Variants in ACOX3 observed in about 807,000 individuals in gnomAD.
The protein encoded by ACOX3 is peroxisomal acyl-coenzyme A oxidase 3.
Under a neutral mutation model 81.5 loss-of-function variants are expected in ACOX3, and 73 were observed. The observed-to-expected ratio is 0.90, with a 90% CI of 0.74 to 1.09. The LOEUF (loss-of-function observed/expected upper bound fraction) is 1.09, where lower values mean the gene tolerates loss of function less well. Ranked by LOEUF, ACOX3 falls within the 50% of genes least tolerant of loss-of-function variation. The probability of loss-of-function intolerance (pLI) is 0.00; values close to 1 mark genes in which losing one functional copy is unlikely to be tolerated. For missense variants in ACOX3, 947 were observed against 928.0 expected, an observed-to-expected ratio of 1.02 and a Z score of -0.27; for synonymous variants, 387 against 375.1, an observed-to-expected ratio of 1.03 and a Z score of -0.37.
chr4:8,398,605 G>C (rs922630499), intron 8 of ACOX3, among the ~76,000 whole-genome samples: 1 of 152,082 alleles, frequency 6.6e-6, no homozygotes, highest in African/African-American at 2.4e-5. Context: ...CTCCCACCAA[G>C]TAACGGACCA....
rs745684291 is a variant in ACOX3, at chr4:8,389,607, C to T, written c.1423+5G>A. 1 of 1,613,762 alleles carries T rather than the reference C, an allele frequency of 6.2e-7. No individual in the cohort carries two copies. The highest frequency in any genetic ancestry group is 1.7e-5 in the Admixed American group (1 of 60,032). On this transcript the variant is annotated splice_donor_5th_base_variant and intron_variant, in intron 12 of 17. Coordinates refer to ENST00000356406, the MANE Select transcript of ACOX3 (RefSeq NM_003501.3). This position sits in a 1 kb window ranked among gnomAD's most constrained non-coding sequence, Gnocchi z 5.3. ...CGCCCCCACCAGTGTGCAGCAGAGC[C>T]TCACCGTGGACCTGGTGTGCCAGGA...
At position 8,394,801 on chromosome 4, in the gene ACOX3, C is replaced by G; in HGVS notation, c.1057-59G>C. 6.4e-7 allele frequency: 1 copy of G among 1,573,554 alleles called. No individual in the cohort carries two copies. The highest frequency in any genetic ancestry group is 1.1e-5 in the South Asian group (1 of 87,000). ...GTGGTTCCCATGAAGGGCAGCCCAT[C>G]CCAGGGACCATGAAAGCCAGTGCAG... On this transcript the variant is annotated intron_variant, in intron 9 of 17. Transcript: ENST00000356406. This position sits in a 1 kb window ranked among gnomAD's most constrained non-coding sequence, Gnocchi z 5.9.
At position 8,373,541 on chromosome 4, in the gene ACOX3, C is replaced by T. The variant is rs769508035; in HGVS notation, c.1896+20G>A. 32 of 1,612,940 alleles carry T rather than the reference C, an allele frequency of 2.0e-5. No individual in the cohort carries two copies. Among genetic ancestry groups the T allele is most frequent in the Non-Finnish European group, 2.3e-5 (27 of 1,179,764 alleles). On this transcript the variant is annotated intron_variant, in intron 16 of 17. Coordinates refer to ENST00000356406, the MANE Select transcript of ACOX3 (RefSeq NM_003501.3). ...TTGTGTAACATGGATGTAGAGAACG[C>T]GACAGCACCCACGGCTCACCTGGGA... is the stretch of plus-strand genomic sequence containing the variant.
In ACOX3 at chr4:8,382,507, G is replaced by A. The variant is rs1054272550; in HGVS notation, c.1538-900C>T. On this transcript the variant is annotated intron_variant, in intron 13 of 17. Coordinates refer to ENST00000356406, the MANE Select transcript of ACOX3 (RefSeq NM_003501.3). This position sits in a 1 kb window ranked among gnomAD's most constrained non-coding sequence, Gnocchi z 4.1. ...CACGCTCACACCCACCCCCTGCCCA[G>A]GCACAGAGGGCCTGGCGCCCAGACA... 2.6e-5 allele frequency among the ~76,000 whole-genome samples: 4 copies of A among 152,220 alleles called. No individual in the cohort carries two copies. The highest frequency in any genetic ancestry group is 7.2e-5 in the African/African-American group (3 of 41,468).
intron 11 of ACOX3, among the ~76,000 whole-genome samples, chr4:8,391,075 G>A (rs1310015517): frequency 6.7e-6 from 1 of 149,818 alleles, no homozygotes; most frequent in Non-Finnish European, 1.5e-5. Context: ...ATATGTATAT[G>A]ATTAATCTTG....
intron 14 of ACOX3, among the ~76,000 whole-genome samples, chr4:8,380,482 C>G (rs756986945): frequency 6.6e-6 from 1 of 152,222 alleles, no homozygotes; most frequent in African/African-American, 2.4e-5. Context: ...AGCCACTGCA[C>G]CTGGCCCAAT....
In ACOX3 at chr4:8,416,112, G is replaced by A. The variant is rs1722302427; in HGVS notation, c.145-113C>T. 2 of 1,112,444 alleles carry A rather than the reference G, an allele frequency of 1.8e-6. No individual in the cohort carries two copies. Among genetic ancestry groups the A allele is most frequent in the Non-Finnish European group, 2.6e-6 (2 of 762,594 alleles). The allele number at this position is 1,112,444 out of a possible 1,614,324, so 68.9% of individuals were successfully genotyped here. A position where few individuals can be genotyped will look rare whatever the true frequency, so the allele number is the denominator to read the frequency against. ...GCTTCATGGGACACAGTCTGACCCG[G>A]AGACACCCAGACAGAGATATGACTA... is the stretch of plus-strand genomic sequence containing the variant. On this transcript the variant is annotated intron_variant, in intron 2 of 17. Transcript: ENST00000356406. The surrounding 1 kb of genome is among the most constrained non-coding windows in gnomAD (Gnocchi z 4.2).
intron 1 of ACOX3, among the ~76,000 whole-genome samples, chr4:8,420,057 T>A (rs559385578): frequency 2.0e-4 from 31 of 152,340 alleles, no homozygotes; most frequent in African/African-American, 7.5e-4. Flanking sequence ...AGACCTCAAC[T>A]GTGCCCACCA....
the ACOX3 span, chr4:8,357,330 C>T: frequency 2.2e-6 from 1 of 445,856 alleles, no homozygotes; most frequent in East Asian, 7.0e-5. Flanking sequence ...TGTCAATGTT[C>T]AGCTTCAGTG....
At chr4:8,410,622 T>C (rs58254383) in intron 5 of ACOX3, among the ~76,000 whole-genome samples, 3,730 of 152,224 alleles carry the variant, frequency 0.025, 150 homozygotes, top group African/African-American at 0.085. Context: ...CATTATCATA[T>C]AGTCTTCAGT....
At chr4:8,404,640 A>G (rs1320799962) in intron 7 of ACOX3, among the ~76,000 whole-genome samples, 1 of 152,188 alleles carries the variant, frequency 6.6e-6, no homozygotes, top group African/African-American at 2.4e-5. Context: ...AGACAGGCAG[A>G]AGGAGGTTTC....
In ACOX3 at chr4:8,382,141, A is replaced by C. The variant is rs965925222; in HGVS notation, c.1538-534T>G. Among the ~76,000 whole-genome samples, 2 of 151,852 alleles carry C rather than the reference A, an allele frequency of 1.3e-5. No individual in the cohort carries two copies. Among genetic ancestry groups the C allele is most frequent in the African/African-American group, 4.8e-5 (2 of 41,330 alleles). On this transcript the variant is annotated intron_variant, in intron 13 of 17. Coordinates refer to ENST00000356406, the MANE Select transcript of ACOX3 (RefSeq NM_003501.3). This position sits in a 1 kb window ranked among gnomAD's most constrained non-coding sequence, Gnocchi z 4.1. ...GGACTGACATGGTGGGGGAGGGGGGAACCTAAGGCCTCACCCCCTGCGTGG... is the reference window on the plus strand; with the variant it reads ...GGACTGACATGGTGGGGGAGGGGGGCACCTAAGGCCTCACCCCCTGCGTGG...
At chr4:8,422,685 A>T (rs1236434012) in intron 1 of ACOX3, among the ~76,000 whole-genome samples, 2 of 152,246 alleles carry the variant, frequency 1.3e-5, no homozygotes, top group Non-Finnish European at 2.9e-5. Context: ...CATCAGTTCT[A>T]AGGCCCTGGC....
chr4:8,383,854 C>T (rs755203786), intron 13 of ACOX3, among the ~76,000 whole-genome samples: 3 of 152,210 alleles, frequency 2.0e-5, no homozygotes, highest in Non-Finnish European at 2.9e-5. Flanking sequence ...CAGATGGTCA[C>T]GAACAGCAAG....
chr4:8,402,692 C>T (rs774122663), intron 7 of ACOX3, among the ~76,000 whole-genome samples: 1 of 152,190 alleles, frequency 6.6e-6, no homozygotes, highest in Non-Finnish European at 1.5e-5. Context: ...AAGCCAGATC[C>T]AGTGTCTCCA....
rs1722270340 is a variant in ACOX3 at position 8,415,835 on chromosome 4, G to A, written c.309C>T (p.Val103=). 6.2e-7 allele frequency: 1 copy of A among 1,614,022 alleles called. No homozygotes were observed. Among genetic ancestry groups the A allele is most frequent in the African/African-American group, 1.3e-5 (1 of 74,894 alleles). The part of the protein sequence containing the change: ...VEDMFKSPLK[V]PALIQCLGMY... The stretch of plus-strand genomic sequence containing the variant: ...TGCCCAGGCACTGAATCAAGGCGGG[G>A]ACCTTCAGAGGGCTCTTGAACATGT... Residue 103 remains valine, a synonymous_variant, in exon 3 of 18, where the codon GTC becomes GTT. Transcript: ENST00000356406.
At chr4:8,378,277 C>T (rs926342239) in intron 14 of ACOX3, among the ~76,000 whole-genome samples, 3 of 152,246 alleles carry the variant, frequency 2.0e-5, no homozygotes, top group Admixed American at 1.3e-4. Context: ...GGGTGCAATC[C>T]TGGCCCCGGC....
chr4:8,408,486 T>G (rs1721273601), intron 6 of ACOX3, among the ~76,000 whole-genome samples: 1 of 152,112 alleles, frequency 6.6e-6, no homozygotes, highest in Non-Finnish European at 1.5e-5. Context: ...CGGAGTGTTT[T>G]TAGCACAACA....
rs556049364 is a variant in ACOX3 at position 8,392,526 on chromosome 4, A to C, written c.1180-73T>G. On this transcript the variant is annotated intron_variant, in intron 10 of 17. Coordinates refer to ENST00000356406, the MANE Select transcript of ACOX3 (RefSeq NM_003501.3). Reference sequence around the variant, plus strand: ...CACCAAAAAGTCATAAGTCAGCAATAGCATCAAACCACCATATCACCTCTA... The same window carrying C: ...CACCAAAAAGTCATAAGTCAGCAATCGCATCAAACCACCATATCACCTCTA... The C allele has an allele frequency of 3.4e-5, 48 of 1,429,734 alleles. No homozygotes were observed. In the South Asian group the frequency reaches 6.2e-4, roughly 19 times the overall value. The allele number at this position is 1,429,734 out of a possible 1,614,324, so 88.6% of individuals were successfully genotyped here. A position where few individuals can be genotyped will look rare whatever the true frequency, so the allele number is the denominator to read the frequency against.
Sources: allele counts gnomAD v4.1 joint callset (sites outside exome capture counted in the v4.1 genomes callset), GRCh38; gene constraint gnomAD v4.1.1; non-coding constraint Gnocchi (gnomAD v3.1); transcripts MANE v1.5; gene names NCBI Gene and HGNC (gene_info 2026-07-23, HGNC 2026-07-21).